NCBP3: variants seen among roughly 807,000 people sequenced by gnomAD.
The protein encoded by NCBP3 is nuclear cap binding subunit 3.
NCBP3 carries 20 observed loss-of-function variants against 75.7 expected under a neutral mutation model. The observed-to-expected ratio is 0.26, with a 90% CI of 0.19 to 0.38. The LOEUF is 0.38. Among genes scored for constraint, NCBP3 ranks in the 10% least tolerant of loss-of-function variants. NCBP3 has a pLI of 1.00. For synonymous variants in NCBP3, 293 were observed against 290.5 expected (o/e 1.01, Z -0.09); for missense variants, 678 against 796.9 (o/e 0.85, Z 1.80).
Position 3,813,132 on chromosome 17 carries a change from C to G in NCBP3, c.1775G>C (p.Arg592Pro). 6.2e-7 allele frequency: 1 copy of G among 1,614,238 alleles called. No homozygotes were observed. Among genetic ancestry groups the G allele is most frequent in the Non-Finnish European group, 8.5e-7 (1 of 1,180,048 alleles). ...GALIKEKEQS[R>P]QKKSRLDNLP... ...GTTATCTAACCGGCTCTTCTTTTGGCGAGACTGCTCTTTCTCCTTAATCAG... is the reference window on the plus strand; with the variant it reads ...GTTATCTAACCGGCTCTTCTTTTGGGGAGACTGCTCTTTCTCCTTAATCAG... The change falls in exon 13 of 13, where the codon CGC becomes CCC. Residue 592 changes from arginine to proline, a missense_variant. Physicochemically the swap from Arg to Pro is moderately radical, Grantham distance 103. Around this residue, in one of 7 missense-constraint regions of NCBP3, gnomAD observed 365 missense variants for 392.7 expected, o/e 0.93. Coordinates refer to ENST00000389005, the MANE Select transcript of NCBP3 (RefSeq NM_001114118.3).
intron 3 of NCBP3, among the ~76,000 whole-genome samples, chr17:3,834,888 C>T (rs961823887): frequency 6.6e-6 from 1 of 151,370 alleles, no homozygotes; most frequent in Non-Finnish European, 1.5e-5. Flanking sequence ...ATAGGATTAC[C>T]AGATCAAGAA....
chr17:3,831,531 C>T (rs2053879114), intron 3 of NCBP3, among the ~76,000 whole-genome samples: 1 of 125,146 alleles, frequency 8.0e-6, no homozygotes, highest in Non-Finnish European at 1.9e-5. Context: ...CAAAATCGCG[C>T]CACTGCACTC....
Position 3,802,164 on chromosome 17 carries a change from G to C in NCBP3, c.*10880C>G, listed in dbSNP as rs771165047. 6.6e-6 allele frequency: 1 copy of C among 152,174 alleles called. No homozygotes were observed. The highest frequency in any genetic ancestry group is 6.5e-5 in the Admixed American group (1 of 15,272). 9.4% of individuals were successfully genotyped at this position (152,174 alleles called of 1,614,324 possible). A position where few individuals can be genotyped will look rare whatever the true frequency, so the allele number is the denominator to read the frequency against. ...ATGCCACTAGAACAACTGATGAACT[G>C]AATTTTGTATATTTTATTTAATTTT... On this transcript the variant is annotated 3_prime_UTR_variant, in exon 13 of 13. Coordinates refer to ENST00000389005, the MANE Select transcript of NCBP3 (RefSeq NM_001114118.3).
At chr17:3,837,562 T>C (rs2053996446) in intron 3 of NCBP3, among the ~76,000 whole-genome samples, 1 of 149,270 alleles carries the variant, frequency 6.7e-6, no homozygotes, top group Non-Finnish European at 1.5e-5. Context: ...TGAAACCCTG[T>C]CTCTACTAAA....
At chr17:3,824,878 G>A in intron 7 of NCBP3, 64 bp downstream of exon 7, 1 of 847,150 alleles carries the variant, frequency 1.2e-6, no homozygotes, top group Non-Finnish European at 1.8e-6. Context: ...AAAAAAGAAG[G>A]ATGTCACTCC....
intron 7 of NCBP3, chr17:3,824,480 T>TATACATATATACACATACATACAC (rs1313490933): frequency 9.7e-5 from 15 of 155,078 alleles, no homozygotes; most frequent in African/African-American, 3.1e-4. Context: ...CATACATACA[T>TATACATATATACACATACATACAC]ATACATATAT....
At position 3,813,060 on chromosome 17, in the gene NCBP3, G is replaced by A. The variant is rs1481570169; in HGVS notation, c.1847C>T (p.Ser616Leu). 6.2e-7 allele frequency: 1 copy of A among 1,614,040 alleles called. No homozygotes were observed. The highest frequency in any genetic ancestry group is 8.5e-7 in the Non-Finnish European group (1 of 1,180,046). ...IEVSRESSSG[S>L]EAES ...CCAGGGGCATCAGGACTCTGCCTCTGAACCAGAGCTGCTTTCCCGACTAAC... is the reference window on the plus strand; with the variant it reads ...CCAGGGGCATCAGGACTCTGCCTCTAAACCAGAGCTGCTTTCCCGACTAAC... The change falls in exon 13 of 13, where the codon TCA becomes TTA. Residue 616 changes from serine to leucine, a missense_variant. Ser to Leu is a moderately radical substitution (Grantham distance 145). Transcript: ENST00000389005.
At chr17:3,830,516 A>T (rs544275016) in intron 3 of NCBP3, among the ~76,000 whole-genome samples, 17 of 152,336 alleles carry the variant, frequency 1.1e-4, no homozygotes, top group African/African-American at 4.1e-4. Flanking sequence ...CACACTGATA[A>T]CTGCTGTTAC....
intron 9 of NCBP3, among the ~76,000 whole-genome samples, chr17:3,819,275 G>A (rs1407180647): frequency 6.6e-6 from 1 of 152,086 alleles, no homozygotes; most frequent in Non-Finnish European, 1.5e-5. Context: ...AGAAACATAT[G>A]GGCCCAGCGC....
chr17:3,824,425 CATAT>C (rs1483783081), intron 7 of NCBP3: 5 of 150,434 alleles, frequency 3.3e-5, no homozygotes, highest in African/African-American at 1.0e-4. Context: ...CACATACATA[CATAT>C]ACATACATAC....
chr17:3,816,660 G>C (rs1317178068), intron 10 of NCBP3, among the ~76,000 whole-genome samples: 2 of 152,242 alleles, frequency 1.3e-5, no homozygotes, highest in Non-Finnish European at 2.9e-5. Context: ...TTAAAGGGCA[G>C]ACTTCTCTTT....
In NCBP3 at chr17:3,829,292, A is replaced by G. The variant is rs1024558645; in HGVS notation, c.432T>C (p.Tyr144=). ...DEMSTQDVFS[Y]FKEYPPAHIE... ...TGTGAGCTGGAGGATATTCTTTAAA[A>G]TAGGAAAAGACATCTTGGGTGCTCA... Residue 144 remains tyrosine (Y), a synonymous_variant, in exon 4 of 13, where the codon TAT becomes TAC. Transcript: ENST00000389005. The G allele has an allele frequency of 1.9e-6, 3 of 1,551,640 alleles. No individual in the cohort carries two copies. The African/African-American group carries it at 4.1e-5, about 21-fold the overall frequency.
chr17:3,836,572 G>C (rs1487480601), intron 3 of NCBP3, among the ~76,000 whole-genome samples: 1 of 148,872 alleles, frequency 6.7e-6, no homozygotes, highest in African/African-American at 2.5e-5. Context: ...AGAATCATTT[G>C]AACCCAGGAG....
intron 6 of NCBP3, among the ~76,000 whole-genome samples, 152 bp from the exon 7 acceptor site, chr17:3,825,202 C>T (rs750452697): frequency 6.6e-6 from 1 of 152,176 alleles, no homozygotes; most frequent in Non-Finnish European, 1.5e-5. Flanking sequence ...TCAGAGATTT[C>T]CCCTGCCCAC....
At chr17:3,829,117 G>A (rs1437328738) in intron 4 of NCBP3, 126 bp downstream of exon 4, 1 of 1,079,982 alleles carries the variant, frequency 9.3e-7, no homozygotes, top group African/African-American at 1.6e-5. Context: ...TTTCTCTCCT[G>A]GACTAACAGC....
Position 3,814,155 on chromosome 17 carries a change from ATGATGC to A in NCBP3, c.1627+161_1627+166del, listed in dbSNP as rs545065169. Among the ~76,000 whole-genome samples the A allele has an allele frequency of 3.3e-3, 495 of 152,248 alleles. 3 individuals carry two copies. The highest frequency in any genetic ancestry group is 0.011 in the African/African-American group (467 of 41,544). ...TTTCTAAGCGTTCCTAACTGTTGGG[ATGATGC>A]TGATGCTGATGCTGACGATAACTAT... On this transcript the variant is annotated intron_variant, in intron 12 of 12. Coordinates refer to ENST00000389005, the MANE Select transcript of NCBP3 (RefSeq NM_001114118.3).
intron 9 of NCBP3, 51 bp downstream of exon 9, chr17:3,821,198 T>C (rs749965632): frequency 3.8e-6 from 5 of 1,303,626 alleles, no homozygotes; most frequent in Non-Finnish European, 5.6e-6. Flanking sequence ...AATAAAAATA[T>C]GATTTCAGGA....
chr17:3,806,257 C>T lies in NCBP3; in HGVS notation c.*6787G>A, dbSNP rs183762690. On this transcript the variant is annotated 3_prime_UTR_variant, in exon 13 of 13. Coordinates refer to ENST00000389005, the MANE Select transcript of NCBP3 (RefSeq NM_001114118.3). The stretch of plus-strand genomic sequence containing the variant: ...CCACGCCCAGCTAATTTTTGTATTT[C>T]TAGTAGAGACGGGGTTCCAACATGT... The T allele has an allele frequency of 4.4e-3, 669 of 152,288 alleles. 4 individuals are homozygous for T. The highest frequency in any genetic ancestry group is 0.021 in the Admixed American group (323 of 15,282). The allele number at this position is 152,288 out of a possible 1,614,324, so 9.4% of individuals were successfully genotyped here.
intron 3 of NCBP3, among the ~76,000 whole-genome samples, chr17:3,829,648 C>G (rs2053844378): frequency 6.6e-6 from 1 of 152,206 alleles, no homozygotes; most frequent in Admixed American, 6.5e-5. Flanking sequence ...CCACATTAAT[C>G]TGTAGCAATC....
Sources: gnomAD v4.1 joint callset for allele counts (sites outside exome capture counted in the v4.1 genomes callset) on GRCh38, gnomAD v4.1.1 for gene constraint, gnomAD v4.1.1 regional missense constraint, MANE v1.5 for transcripts, NCBI Gene and HGNC (gene_info 2026-07-23, HGNC 2026-07-21) for gene names.